ADAM9: variants seen among roughly 807,000 people sequenced by gnomAD.
The protein encoded by ADAM9 is ADAM metallopeptidase domain 9.
Under a neutral mutation model 108.1 loss-of-function variants are expected in ADAM9, and 54 were observed. The ratio of observed to expected loss-of-function variants is 0.50; its 90% CI spans 0.40 to 0.63. ADAM9 has a LOEUF of 0.63. Among genes scored for constraint, ADAM9 ranks in the 20% least tolerant of loss-of-function variants. The pLI is 0.00. For missense variants in ADAM9, 830 were observed against 997.7 expected, an observed-to-expected ratio of 0.83 and a Z score of 2.26; for synonymous variants, 316 against 336.0, an observed-to-expected ratio of 0.94 and a Z score of 0.65.
intron 8 of ADAM9, among the ~76,000 whole-genome samples, chr8:39,022,097 TGAGA>T (rs940452007): frequency 8.7e-4 from 119 of 136,242 alleles, no homozygotes; most frequent in African/African-American, 2.2e-3. Flanking sequence ...TGTGTGTGTG[TGAGA>T]GAGAGAGAGA....
At chr8:39,098,696 T>A (rs748192346) in intron 20 of ADAM9, among the ~76,000 whole-genome samples, 1 of 152,242 alleles carries the variant, frequency 6.6e-6, no homozygotes, top group Non-Finnish European at 1.5e-5. Flanking sequence ...AAACACCTAA[T>A]TTTTGTGCTG....
intron 11 of ADAM9, among the ~76,000 whole-genome samples, chr8:39,041,230 T>TA (rs946335810): frequency 2.3e-4 from 34 of 149,558 alleles, no homozygotes; most frequent in Admixed American, 1.1e-3. Context: ...AAGTAGTAGC[T>TA]AAAAAAAAAA....
intron 21 of ADAM9, 44 bp downstream of exon 21, chr8:39,101,974 T>A: frequency 6.9e-7 from 1 of 1,459,792 alleles, no homozygotes; most frequent in Non-Finnish European, 9.6e-7. Flanking sequence ...GAATAAAACC[T>A]AGGGGTTAAT....
chr8:38,997,366 C>A (rs1015353781), intron 1 of ADAM9, among the ~76,000 whole-genome samples: 4 of 152,104 alleles, frequency 2.6e-5, no homozygotes, highest in African/African-American at 9.7e-5. Flanking sequence ...GGCCCGGGTC[C>A]TCTGCCCGGC....
rs962205710 is a variant in ADAM9, at chr8:39,045,469, T to C, written c.1302+3352T>C. On this transcript the variant is annotated intron_variant, in intron 12 of 21. Coordinates refer to ENST00000487273, the MANE Select transcript of ADAM9 (RefSeq NM_003816.3). ...GTACACACACCTATATGTGCGTGTG[T>C]GTACACACACCTATATGTGCGTGTG... is the stretch of plus-strand genomic sequence containing the variant. Among the ~76,000 whole-genome samples the C allele has an allele frequency of 3.3e-5, 5 of 150,872 alleles. 1 individual carries two copies. Among genetic ancestry groups the C allele is most frequent in the East Asian group, 3.9e-4 (2 of 5,106 alleles).
intron 11 of ADAM9, among the ~76,000 whole-genome samples, chr8:39,032,008 C>T (rs7830975): frequency 0.43 from 64,645 of 152,022 alleles, 14,570 homozygotes; most frequent in East Asian, 0.73. Context: ...TATTGCAGAA[C>T]AGCAAATATT....
In ADAM9 at chr8:39,054,091, A is replaced by G. The variant is rs796553444; in HGVS notation, c.1303-390A>G. On this transcript the variant is annotated intron_variant, in intron 12 of 21. Transcript: ENST00000487273. The stretch of plus-strand genomic sequence containing the variant: ...TGCACTGAGGAAGGGCTATGTCAGC[A>G]CACAGCAAGAAGGCAGCCCTCTGCA... Among the ~76,000 whole-genome samples, 3 of 152,276 alleles carry G rather than the reference A, an allele frequency of 2.0e-5. 1 individual carries two copies. The highest frequency in any genetic ancestry group is 7.2e-5 in the African/African-American group (3 of 41,568).
chr8:39,044,956 AT>A (rs1837582363), intron 12 of ADAM9, among the ~76,000 whole-genome samples: 1 of 134,878 alleles, frequency 7.4e-6, no homozygotes, highest in Non-Finnish European at 1.6e-5. Context: ...GTATGTGTAT[AT>A]GTGTGTGCAC....
chr8:39,006,366 C>A (rs1836161387), intron 1 of ADAM9, among the ~76,000 whole-genome samples: 1 of 151,552 alleles, frequency 6.6e-6, no homozygotes, highest in Non-Finnish European at 1.5e-5. Context: ...CTTTTTAATC[C>A]CAAACCAGAC....
rs988596944 is a variant in ADAM9 at position 39,050,352 on chromosome 8, G to C, written c.1303-4129G>C. Among the ~76,000 whole-genome samples, 34 of 151,782 alleles carry C rather than the reference G, an allele frequency of 2.2e-4. No individual in the cohort carries two copies. The East Asian group carries it at 6.4e-3, about 29-fold the overall frequency. On this transcript the variant is annotated intron_variant, in intron 12 of 21. Transcript: ENST00000487273. ...CTACCTCTTTGAAATAAGCTTTTTG[G>C]TACTTTTTCTTAGTCTGCTCCTTGT...
chr8:39,093,578 T>C (rs1008542880), intron 20 of ADAM9, among the ~76,000 whole-genome samples: 14 of 152,238 alleles, frequency 9.2e-5, no homozygotes, highest in African/African-American at 3.1e-4. Flanking sequence ...ATGTCTTTTA[T>C]TTCTTTTTCT....
At chr8:39,099,382 G>A (rs1588438343) in intron 20 of ADAM9, among the ~76,000 whole-genome samples, 1 of 152,156 alleles carries the variant, frequency 6.6e-6, no homozygotes, top group African/African-American at 2.4e-5. Flanking sequence ...ACCCAGCCAA[G>A]TGTTTCAAAA....
intron 3 of ADAM9, 68 bp from the exon 4 acceptor site, chr8:39,013,897 C>T (rs1182427820): frequency 1.6e-6 from 2 of 1,226,252 alleles, no homozygotes; most frequent in Admixed American, 3.4e-5. Context: ...GGAATAATGC[C>T]TTATGAATCG....
chr8:39,070,903 A>G (rs1838663513), intron 14 of ADAM9, among the ~76,000 whole-genome samples: 2 of 152,364 alleles, frequency 1.3e-5, no homozygotes, highest in Non-Finnish European at 2.9e-5. Flanking sequence ...ATTAGCTGGC[A>G]GTGTTTTCTC....
At position 39,036,873 on chromosome 8, in the gene ADAM9, T is replaced by C. The variant is rs1837293368; in HGVS notation, c.1131-5073T>C. 2.6e-5 allele frequency among the ~76,000 whole-genome samples: 4 copies of C among 152,122 alleles called. No homozygotes were observed. The South Asian group carries it at 8.3e-4, about 31-fold the overall frequency. On this transcript the variant is annotated intron_variant, in intron 11 of 21. Transcript: ENST00000487273. ...GTCAATTCATGTGGGTGAATTTTTT[T>C]TTTTTTTTGGTAGATTGCTGAAGGA...
intron 11 of ADAM9, among the ~76,000 whole-genome samples, chr8:39,041,619 A>G (rs1837457797): frequency 6.6e-6 from 1 of 152,256 alleles, no homozygotes; most frequent in African/African-American, 2.4e-5. Flanking sequence ...TTAGATAAAT[A>G]AAACTTTATT....
intron 12 of ADAM9, among the ~76,000 whole-genome samples, chr8:39,045,245 TAC>T (rs200384274): frequency 7.3e-6 from 1 of 136,174 alleles, no homozygotes; most frequent in Admixed American, 7.1e-5. Context: ...TGTGTATACA[TAC>T]ATATATGTGT....
At chr8:39,000,895 T>G (rs1835972435) in intron 1 of ADAM9, among the ~76,000 whole-genome samples, 1 of 152,296 alleles carries the variant, frequency 6.6e-6, no homozygotes, top group South Asian at 2.1e-4. Flanking sequence ...TAAACCTTAC[T>G]GGAAGAAAAG....
At chr8:39,036,690 G>A (rs1434916914) in intron 11 of ADAM9, among the ~76,000 whole-genome samples, 1 of 152,168 alleles carries the variant, frequency 6.6e-6, no homozygotes, top group Non-Finnish European at 1.5e-5. Flanking sequence ...TGCCATAGGT[G>A]CCAGCCAGTG....
Sources: gnomAD v4.1 joint callset for allele counts (sites outside exome capture counted in the v4.1 genomes callset) on GRCh38, gnomAD v4.1.1 for gene constraint, MANE v1.5 for transcripts, NCBI Gene and HGNC (gene_info 2026-07-23, HGNC 2026-07-21) for gene names.